Variants in KPTN observed in about 807,000 individuals in gnomAD.
KPTN encodes kaptin, actin binding protein, also known as KICSTOR complex protein kaptin.
KPTN carries 36 observed loss-of-function variants against 52.6 expected under a neutral mutation model. The ratio of observed to expected loss-of-function variants is 0.68; its 90% confidence interval spans 0.52 to 0.90. KPTN has a LOEUF of 0.90. Among genes scored for constraint, KPTN ranks in the 40% least tolerant of loss-of-function variants. The pLI is 0.00. For missense variants in KPTN, 529 were observed against 576.2 expected (o/e 0.92, Z 0.84); for synonymous variants, 271 against 248.4 (o/e 1.09, Z -0.85).
upstream of KPTN, among the ~76,000 whole-genome samples, chr19:47,485,449 A>G (rs1441789834): frequency 2.6e-5 from 4 of 152,134 alleles, no homozygotes; most frequent in Admixed American, 2.6e-4. Context: ...CTAGAAGGCC[A>G]TGGAGGTTTG....
At position 47,481,035 on chromosome 19, in the gene KPTN, T is replaced by C. The variant is rs1478795878; in HGVS notation, c.450-2A>G. 1 of 1,575,596 alleles carries C rather than the reference T, an allele frequency of 6.3e-7. No individual in the cohort carries two copies. Among genetic ancestry groups the C allele is most frequent in the South Asian group, 1.2e-5 (1 of 86,754 alleles). ...TCAAGTTGATCCCCGACCTGGACCCTGAAAGCAGAGAAATCTAGAACCCAA... is the reference window on the plus strand; with the variant it reads ...TCAAGTTGATCCCCGACCTGGACCCCGAAAGCAGAGAAATCTAGAACCCAA... On this transcript the variant is annotated splice_acceptor_variant, in intron 4 of 11. Coordinates refer to ENST00000338134, the MANE Select transcript of KPTN (RefSeq NM_007059.4). LOFTEE classifies it high-confidence loss of function.
intron 11 of KPTN, 72 bp downstream of exon 11, chr19:47,476,460 A>G (rs936422923): frequency 2.3e-5 from 30 of 1,301,542 alleles, no homozygotes; most frequent in Non-Finnish European, 1.0e-6. Context: ...TCCCTCCCCC[A>G]GGAGGAGGCC....
chr19:47,478,403 C>A (rs1356664573), intron 8 of KPTN, among the ~76,000 whole-genome samples: 2 of 151,426 alleles, frequency 1.3e-5, no homozygotes, highest in Admixed American at 6.6e-5. Flanking sequence ...CATGGTGAAA[C>A]CCTGTGTCTA....
In KPTN at chr19:47,480,407, G is replaced by A. The variant is rs1012429762; in HGVS notation, c.600C>T (p.Ser200=). ...AGTTGTGGACGTCCAGCCAGAGGACGCTGGCGGGCGGGTGGATGGACAGGA... is the reference window on the plus strand; with the variant it reads ...AGTTGTGGACGTCCAGCCAGAGGACACTGGCGGGCGGGTGGATGGACAGGA... The part of the protein sequence containing the change: ...LFPELTNLTS[S]VLWLDVHNFP... The change falls in exon 7 of 12, where the codon AGC becomes AGT. Residue 200 remains serine, a splice_region_variant and synonymous_variant. Coordinates refer to ENST00000338134, the MANE Select transcript of KPTN (RefSeq NM_007059.4). The A allele has an allele frequency of 6.5e-7, 1 of 1,543,258 alleles. No homozygotes were observed. Among genetic ancestry groups the A allele is most frequent in the South Asian group, 1.2e-5 (1 of 83,126 alleles).
In KPTN at chr19:47,484,181, C is replaced by T. The variant is rs1967997853; in HGVS notation, c.-21G>A. The T allele has an allele frequency of 1.3e-6, 2 of 1,583,150 alleles. No individual in the cohort carries two copies. The highest frequency in any genetic ancestry group is 1.3e-5 in the African/African-American group (1 of 74,370). ...ATCATGCCCCTCAGTTAAGCACCCT[C>T]TCCGCAGCCCCCGCCCCAACCCGCA... On this transcript the variant is annotated 5_prime_UTR_variant, in exon 1 of 12. Coordinates refer to ENST00000338134, the MANE Select transcript of KPTN (RefSeq NM_007059.4).
At chr19:47,478,789 A>G (rs1032046335) in intron 8 of KPTN, among the ~76,000 whole-genome samples, 1 of 151,140 alleles carries the variant, frequency 6.6e-6, no homozygotes, top group African/African-American at 2.5e-5. Context: ...GCAGTAACAT[A>G]GGAGTGGAAA....
At chr19:47,482,492 AAAAG>A (rs1568457733) in intron 4 of KPTN, among the ~76,000 whole-genome samples, 3 of 150,766 alleles carry the variant, frequency 2.0e-5, no homozygotes, top group African/African-American at 2.4e-5. Context: ...AAAAAAAAAA[AAAAG>A]AAAGAAAAAA....
intron 9 of KPTN, 26 bp from the exon 10 acceptor site, chr19:47,476,964 G>A (rs1326096152): frequency 3.9e-6 from 6 of 1,549,462 alleles, no homozygotes; most frequent in Non-Finnish European, 5.2e-6. Flanking sequence ...ACAGCATATA[G>A]ACTGGGGTCA....
At chr19:47,483,799 C>T in intron 1 of KPTN, 136 bp downstream of exon 1, 2 of 1,264,026 alleles carry the variant, frequency 1.6e-6, no homozygotes, top group South Asian at 1.4e-5. Flanking sequence ...TATGCCTGCC[C>T]GCTGATCCCA....
Position 47,480,946 on chromosome 19 carries a change from G to A in KPTN, c.525+12C>T, listed in dbSNP as rs1280148980. On this transcript the variant is annotated intron_variant, in intron 5 of 11. Coordinates refer to ENST00000338134, the MANE Select transcript of KPTN (RefSeq NM_007059.4). ...CCCACAGGGCTCTGCCCAGCACGCC[G>A]CCCCACCTCACCTCCTTGTAGAGAT... 7.4e-6 allele frequency: 12 copies of A among 1,610,766 alleles called. No individual in the cohort carries two copies. The highest frequency in any genetic ancestry group is 5.1e-5 in the Admixed American group (3 of 59,338).
At position 47,482,480 on chromosome 19, in the gene KPTN, C is replaced by CAA. The variant is rs774530971; in HGVS notation, c.449+679_449+680dup. Among the ~76,000 whole-genome samples the CAA allele has an allele frequency of 2.4e-3, 169 of 69,944 alleles. 1 individual carries two copies. Among genetic ancestry groups the CAA allele is most frequent in the South Asian group, 4.3e-3 (9 of 2,092 alleles). The allele number at this position is 69,944 out of a possible 152,430, so 45.9% of individuals were successfully genotyped here. A position where few individuals can be genotyped will look rare whatever the true frequency, so the allele number is the denominator to read the frequency against. ...CTGGCAACAGAGCGAGCATCTATCT[C>CAA]AAAAAAAAAAAAAAAGAAAGAAAAA... is the stretch of plus-strand genomic sequence containing the variant. On this transcript the variant is annotated intron_variant, in intron 4 of 11. Coordinates refer to ENST00000338134, the MANE Select transcript of KPTN (RefSeq NM_007059.4).
In KPTN at chr19:47,480,368, G is replaced by A; in HGVS notation, c.639C>T (p.Ser213=). ...WLDVHNFPGT[S]RRLSALGCQS... ...GACAGCCCAGAGCTGAGAGGCGCCG[G>A]GACGTGCCGGGGAAGTTGTGGACGT... The change falls in exon 7 of 12, where the codon TCC becomes TCT. Residue 213 remains serine (S), a synonymous_variant. Coordinates refer to ENST00000338134, the MANE Select transcript of KPTN (RefSeq NM_007059.4). 6.5e-7 allele frequency: 1 copy of A among 1,549,658 alleles called. No homozygotes were observed.
At chr19:47,477,200 T>C (rs1967700609) in intron 9 of KPTN, among the ~76,000 whole-genome samples, 1 of 152,216 alleles carries the variant, frequency 6.6e-6, no homozygotes, top group South Asian at 2.1e-4. Context: ...AGGATTCAGA[T>C]GCATGTGTCC....
At chr19:47,482,592 C>T (rs970102474) in intron 4 of KPTN, among the ~76,000 whole-genome samples, 1 of 152,168 alleles carries the variant, frequency 6.6e-6, no homozygotes, top group African/African-American at 2.4e-5. Context: ...GCTTTCCAAC[C>T]TCAGCTGCAT....
rs368276548 is a variant in KPTN at position 47,475,421 on chromosome 19, A to C, written c.1306T>G (p.Ser436Ala). 1 of 1,612,320 alleles carries C rather than the reference A, an allele frequency of 6.2e-7. No individual in the cohort carries two copies. The highest frequency in any genetic ancestry group is 2.2e-5 in the East Asian group (1 of 44,828). Residue 436 changes from serine to alanine, a missense_variant, in exon 12 of 12, where the codon TCT (serine) becomes GCT (alanine). Transcript: ENST00000338134. ...AGAGPAENAAS is the reference protein window; with the variant it reads ...AGAGPAENAAA ...AAGAGTGGGTGCATGGGTGCTTAAG[A>C]GGCTGCATTCTCAGCAGGCCCTGCA...
chr19:47,483,858 G>A (rs1000176028), intron 1 of KPTN, 77 bp downstream of exon 1: 10 of 1,578,030 alleles, frequency 6.3e-6, no homozygotes, highest in African/African-American at 2.7e-5. Flanking sequence ...ACGGTGACCC[G>A]GCTCAGACAG....
upstream of KPTN, among the ~76,000 whole-genome samples, chr19:47,485,640 T>C (rs148812912): frequency 6.6e-6 from 1 of 152,110 alleles, no homozygotes; most frequent in Non-Finnish European, 1.5e-5. Flanking sequence ...ATTCAGAAAA[T>C]ATGTGTCAAA....
chr19:47,484,891 G>C (rs1002386214), upstream of KPTN, among the ~76,000 whole-genome samples: 1 of 151,934 alleles, frequency 6.6e-6, no homozygotes, highest in African/African-American at 2.4e-5. Flanking sequence ...GTAGAGATGG[G>C]GTTTCGCCAT....
chr19:47,483,644 C>G, intron 1 of KPTN, 60 bp from the exon 2 acceptor site: 2 of 1,274,190 alleles, frequency 1.6e-6, no homozygotes, highest in African/African-American at 1.5e-5. Flanking sequence ...ATCTCCCCAA[C>G]ATGGTGAGCT....
Sources: allele counts gnomAD v4.1 joint callset (sites outside exome capture counted in the v4.1 genomes callset), GRCh38; gene constraint gnomAD v4.1.1; transcripts MANE v1.5; gene names NCBI Gene and HGNC (gene_info 2026-07-23, HGNC 2026-07-21).